ZNF566: variants seen among roughly 807,000 people sequenced by gnomAD.
The protein encoded by ZNF566 is zinc finger protein 566.
In ZNF566, 27 loss-of-function variants were observed where a neutral mutation model predicts 32.8. The ratio of observed to expected loss-of-function variants is 0.82; its 90% confidence interval spans 0.61 to 1.14. ZNF566 has a LOEUF of 1.14. Among genes scored for constraint, ZNF566 ranks in the 50% most tolerant of loss-of-function variants. The probability of loss-of-function intolerance (pLI) is 0.00; values close to 1 mark genes in which losing one functional copy is unlikely to be tolerated. For missense variants in ZNF566, 402 were observed against 490.4 expected, an observed-to-expected ratio of 0.82 and a Z score of 1.70; for synonymous variants, 154 against 159.5, an observed-to-expected ratio of 0.97 and a Z score of 0.26.
At chr19:36,477,700 G>A (rs1012893442) in intron 1 of ZNF566, among the ~76,000 whole-genome samples, 12 of 151,870 alleles carry the variant, frequency 7.9e-5, no homozygotes, top group Middle Eastern at 3.4e-3. Context: ...CACCACGCCC[G>A]CCTAATTTTT....
chr19:36,465,967 C>A (rs574428743), intron 4 of ZNF566, among the ~76,000 whole-genome samples: 1 of 150,698 alleles, frequency 6.6e-6, no homozygotes, highest in Non-Finnish European at 1.5e-5. Flanking sequence ...AACACACAGA[C>A]GTTTTATGTC....
At chr19:36,488,373 G>T (rs1473448372) in intron 1 of ZNF566, among the ~76,000 whole-genome samples, 4 of 152,140 alleles carry the variant, frequency 2.6e-5, no homozygotes, top group Non-Finnish European at 4.4e-5. Flanking sequence ...GGGATTACAC[G>T]CATGAGCCTC....
chr19:36,474,748 A>G (rs2033844650), intron 2 of ZNF566, among the ~76,000 whole-genome samples: 2 of 152,232 alleles, frequency 1.3e-5, no homozygotes, highest in South Asian at 2.1e-4. Flanking sequence ...TTAAATTTGC[A>G]TATAATTTAA....
At chr19:36,455,749 GAAGT>G (rs1012029840) in intron 4 of ZNF566, among the ~76,000 whole-genome samples, 2 of 139,210 alleles carry the variant, frequency 1.4e-5, no homozygotes, top group African/African-American at 5.4e-5. Context: ...CAAAAAAAAA[GAAGT>G]AATAAGGCCT....
At chr19:36,481,473 G>GAAAAA (rs79028574) in intron 1 of ZNF566, among the ~76,000 whole-genome samples, 26 of 110,792 alleles carry the variant, frequency 2.3e-4, no homozygotes, top group East Asian at 1.5e-3. Context: ...ACTGTCTCGG[G>GAAAAA]AAAAAAAAAA....
At chr19:36,461,697 A>G (rs1382446400) in intron 4 of ZNF566, among the ~76,000 whole-genome samples, 1 of 151,984 alleles carries the variant, frequency 6.6e-6, no homozygotes, top group Admixed American at 6.6e-5. Flanking sequence ...AATAAAATAA[A>G]AAAATAAAAT....
At chr19:36,482,438 A>G (rs1430637785) in intron 1 of ZNF566, among the ~76,000 whole-genome samples, 4 of 152,148 alleles carry the variant, frequency 2.6e-5, no homozygotes, top group Non-Finnish European at 5.9e-5. Context: ...GTAGCCTGCT[A>G]CAATCAACCA....
chr19:36,457,289 AAC>A (rs1415204512), intron 4 of ZNF566, among the ~76,000 whole-genome samples: 1 of 152,176 alleles, frequency 6.6e-6, no homozygotes, highest in Non-Finnish European at 1.5e-5. Context: ...CAAAACTAAA[AAC>A]ACAGAAAAGA....
At chr19:36,472,697 C>G (rs747990191) in intron 4 of ZNF566, among the ~76,000 whole-genome samples, 1 of 152,064 alleles carries the variant, frequency 6.6e-6, no homozygotes, top group Non-Finnish European at 1.5e-5. Flanking sequence ...AGGGCACCAG[C>G]TGGTTAGAAC....
chr19:36,465,269 A>G (rs145046384), intron 4 of ZNF566, among the ~76,000 whole-genome samples: 6 of 152,344 alleles, frequency 3.9e-5, no homozygotes, highest in African/African-American at 1.4e-4. Context: ...GAACAAAAGT[A>G]CTTCCAACGT....
intron 1 of ZNF566, among the ~76,000 whole-genome samples, chr19:36,480,125 G>C (rs1211899892): frequency 6.6e-6 from 1 of 151,648 alleles, no homozygotes; most frequent in East Asian, 1.9e-4. Flanking sequence ...GAGATAGCTT[G>C]GAAAAGAAAA....
rs766238520 is a variant in ZNF566, at chr19:36,464,869, T to G, written c.232+8042A>C. ...TACAGGAAAAAGATAAAAATGTTTA[T>G]AAGCAATATATAATTTAACCACTAA... On this transcript the variant is annotated intron_variant, in intron 4 of 4. Coordinates refer to ENST00000452939, the MANE Select transcript of ZNF566 (RefSeq NM_001145344.1). Among the ~76,000 whole-genome samples the G allele has an allele frequency of 5.0e-4, 76 of 152,176 alleles. 1 individual carries two copies. The highest frequency in any genetic ancestry group is 7.3e-5 in the Non-Finnish European group (5 of 68,042).
intron 4 of ZNF566, among the ~76,000 whole-genome samples, chr19:36,459,154 T>C (rs2033394168): frequency 6.6e-6 from 1 of 152,172 alleles, no homozygotes; most frequent in South Asian, 2.1e-4. Context: ...GAAAAATTGA[T>C]GTAAGAAATA....
intron 1 of ZNF566, among the ~76,000 whole-genome samples, chr19:36,481,274 C>A (rs2034022221): frequency 6.6e-6 from 1 of 151,902 alleles, no homozygotes; most frequent in Non-Finnish European, 1.5e-5. Flanking sequence ...AATTTGGGAC[C>A]AGCCTGGCCA....
At chr19:36,467,983 C>T (rs1442367560) in intron 4 of ZNF566, among the ~76,000 whole-genome samples, 2 of 150,604 alleles carry the variant, frequency 1.3e-5, no homozygotes, top group Non-Finnish European at 2.9e-5. Context: ...GTCAGGAGTT[C>T]GAGAGCAGCC....
In ZNF566 at chr19:36,449,280, A is replaced by T; in HGVS notation, c.954T>A (p.Asn318Lys). Residue 318 changes from asparagine to lysine, a missense_variant, in exon 5 of 5, where the codon AAT becomes AAA. By Grantham distance (94) the Asn-to-Lys change is moderately conservative. Transcript: ENST00000452939. ...TAAGTTGTGAGCTCTGACTAAAGGC[A>T]TTGCCACATTCCTTACATTCATAGG... is the stretch of plus-strand genomic sequence containing the variant. ...EKPYECKECG[N>K]AFSQSSQLIK... is the part of the protein sequence containing the mutation. 6.2e-7 allele frequency: 1 copy of T among 1,614,056 alleles called. No individual in the cohort carries two copies.
rs192224451 is a variant in ZNF566, at chr19:36,486,531, C to T, written c.-60+2955G>A. On this transcript the variant is annotated intron_variant, in intron 1 of 4. Coordinates refer to ENST00000452939, the MANE Select transcript of ZNF566 (RefSeq NM_001145344.1). Reference sequence around the variant, plus strand: ...TACTAAAAATACAAAATTAGCTGGCCGTGGTGGCGCAAGCCTGTAATCCTG... The same window carrying T: ...TACTAAAAATACAAAATTAGCTGGCTGTGGTGGCGCAAGCCTGTAATCCTG... Among the ~76,000 whole-genome samples, 505 of 152,002 alleles carry T rather than the reference C, an allele frequency of 3.3e-3. 4 individuals are homozygous for T. The highest frequency in any genetic ancestry group is 4.6e-3 in the South Asian group (22 of 4,806).
Position 36,453,961 on chromosome 19 carries a change from T to G in ZNF566, c.233-3960A>C, listed in dbSNP as rs1187751236. 2.6e-5 allele frequency among the ~76,000 whole-genome samples: 4 copies of G among 151,984 alleles called. No homozygotes were observed. In the East Asian group the frequency reaches 5.8e-4, roughly 22 times the overall value. On this transcript the variant is annotated intron_variant, in intron 4 of 4. Coordinates refer to ENST00000452939, the MANE Select transcript of ZNF566 (RefSeq NM_001145344.1). ...GCCTCAGCCTCCCAAGTAGCTGGGA[T>G]TACAGGCACCTGCCACCACACCTGG...
At chr19:36,488,916 G>A (rs1250454576) in intron 1 of ZNF566, among the ~76,000 whole-genome samples, 2 of 152,122 alleles carry the variant, frequency 1.3e-5, no homozygotes, top group Non-Finnish European at 2.9e-5. Context: ...GGGACATTCA[G>A]CTACAGACAA....
Sources: allele counts gnomAD v4.1 joint callset (sites outside exome capture counted in the v4.1 genomes callset), GRCh38; gene constraint gnomAD v4.1.1; transcripts MANE v1.5; gene names NCBI Gene and HGNC (gene_info 2026-07-23, HGNC 2026-07-21).